The following KDM3B variants were observed in gnomAD, a reference collection of about 807,000 sequenced individuals.
KDM3B encodes lysine-specific demethylase 3B.
KDM3B carries 10 observed loss-of-function variants against 170.0 expected under a neutral mutation model. The observed-to-expected ratio is 0.06, with a 90% CI of 0.04 to 0.10. KDM3B has a LOEUF of 0.10. Ranked by LOEUF, KDM3B falls within the 10% of genes least tolerant of loss-of-function variation. The pLI is 1.00. For missense variants in KDM3B, 1,394 were observed against 2,195.2 expected (o/e 0.64, Z 7.29); for synonymous variants, 831 against 834.8 (o/e 1.00, Z 0.08).
intron 23 of KDM3B, 79 bp from the exon 24 acceptor site, chr5:138,435,541 C>A: frequency 8.8e-7 from 1 of 1,138,474 alleles, no homozygotes; most frequent in South Asian, 1.3e-5. Context: ...CCCCACTAAA[C>A]CAGTAGGCTT....
chr5:138,381,417 G>A, intron 5 of KDM3B, 99 bp from the exon 6 acceptor site: 1 of 747,952 alleles, frequency 1.3e-6, no homozygotes, highest in Admixed American at 2.1e-5. Context: ...TCTAGTAGGT[G>A]AGTTGAATCA....
intron 13 of KDM3B, 88 bp downstream of exon 13, chr5:138,417,698 CTACTGTAGGA>C: frequency 7.4e-7 from 1 of 1,359,550 alleles, no homozygotes; most frequent in East Asian, 2.3e-5. Context: ...TTATGCCAGG[CTACTGTAGGA>C]TTCCTGAGGA....
chr5:138,400,783 C>T (rs925818295), intron 11 of KDM3B, among the ~76,000 whole-genome samples: 12 of 151,930 alleles, frequency 7.9e-5, no homozygotes, highest in Admixed American at 7.9e-4. Context: ...GGTTGTACAG[C>T]CATTATCTAA....
chr5:138,380,955 A>C (rs1580895347), intron 5 of KDM3B, among the ~76,000 whole-genome samples: 1 of 149,936 alleles, frequency 6.7e-6, no homozygotes, highest in Non-Finnish European at 1.5e-5. Context: ...GCTCACTGCA[A>C]CCTCCGCCTC....
Position 138,396,712 on chromosome 5 carries a change from T to C in KDM3B, c.2832-1466T>C, listed in dbSNP as rs548898486. Among the ~76,000 whole-genome samples the C allele has an allele frequency of 7.2e-4, 109 of 152,144 alleles. 1 individual carries two copies. The highest frequency in any genetic ancestry group is 2.9e-4 in the Non-Finnish European group (20 of 67,982). ...TGGTGGGAGCTTGTGGAGGTTGTTT[T>C]CTGGCTCCTCTTTTCTCAGTGGAAT... On this transcript the variant is annotated intron_variant, in intron 9 of 23. Transcript: ENST00000314358.
At chr5:138,389,548 C>A (rs922622401) in intron 7 of KDM3B, among the ~76,000 whole-genome samples, 28 of 152,070 alleles carry the variant, frequency 1.8e-4, no homozygotes, top group Admixed American at 6.6e-4. Flanking sequence ...TGAAGACTAT[C>A]TAGATCCAGA....
chr5:138,419,766 CA>C (rs1214288719), intron 14 of KDM3B, among the ~76,000 whole-genome samples: 2 of 131,996 alleles, frequency 1.5e-5, no homozygotes, highest in African/African-American at 5.5e-5. Flanking sequence ...CACACACACA[CA>C]TATATATGAG....
At chr5:138,422,364 C>T (rs1219816089) in intron 15 of KDM3B, among the ~76,000 whole-genome samples, 2 of 152,192 alleles carry the variant, frequency 1.3e-5, no homozygotes, top group East Asian at 3.8e-4. Context: ...AGGCTGGGCA[C>T]AGTGGCTCAC....
At chr5:138,422,173 A>G (rs1763288673) in intron 15 of KDM3B, among the ~76,000 whole-genome samples, 1 of 152,052 alleles carries the variant, frequency 6.6e-6, no homozygotes, top group African/African-American at 2.4e-5. Context: ...TGTTTTTTTC[A>G]CAGCACTCAT....
At chr5:138,358,034 G>A (rs1306908058) in intron 1 of KDM3B, among the ~76,000 whole-genome samples, 2 of 146,950 alleles carry the variant, frequency 1.4e-5, no homozygotes, top group Non-Finnish European at 3.0e-5. Context: ...TTTCACTCTT[G>A]TCGCCCAGGC....
At chr5:138,401,829 G>A (rs1288150662) in intron 11 of KDM3B, among the ~76,000 whole-genome samples, 1 of 152,084 alleles carries the variant, frequency 6.6e-6, no homozygotes, top group African/African-American at 2.4e-5. Context: ...CTGTGACGTA[G>A]TATCTGATTG....
chr5:138,385,180 C>G (rs1185492139), intron 6 of KDM3B, among the ~76,000 whole-genome samples: 2 of 151,986 alleles, frequency 1.3e-5, no homozygotes, highest in African/African-American at 4.8e-5. Context: ...CACCACCATG[C>G]CTGGCTGATT....
chr5:138,398,500 T>G lies in KDM3B; in HGVS notation c.3046+108T>G, dbSNP rs148463825. The G allele has an allele frequency of 6.3e-4, 572 of 908,198 alleles. 5 individuals carry two copies. The African/African-American group carries it at 8.5e-3, about 13-fold the overall frequency. 56.3% of individuals were successfully genotyped at this position (908,198 alleles called of 1,614,324 possible). ...AGTGGCAGATGGCATTTTCTGTGAA[T>G]GAATTAAGACCGATAAGACTTCTCT... On this transcript the variant is annotated intron_variant, in intron 10 of 23. Transcript: ENST00000314358.
At chr5:138,393,662 A>G (rs1762486014) in intron 9 of KDM3B, among the ~76,000 whole-genome samples, 1 of 152,222 alleles carries the variant, frequency 6.6e-6, no homozygotes, top group Non-Finnish European at 1.5e-5. Context: ...TGAAACCACT[A>G]TTATAAGCAG....
In KDM3B at chr5:138,392,061, C is replaced by T. The variant is rs1291356426; in HGVS notation, c.2429C>T (p.Ser810Leu). The T allele has an allele frequency of 1.2e-6, 2 of 1,613,910 alleles. No homozygotes were observed. The highest frequency in any genetic ancestry group is 2.2e-5 in the South Asian group (2 of 91,080). Residue 810 changes from serine (S) to leucine (L), a missense_variant, in exon 8 of 24, where the codon TCG (serine) becomes TTG (leucine). By Grantham distance (145) the Ser-to-Leu change is moderately radical (BLOSUM62 -2). This residue lies in a region of KDM3B where 84 missense variants were observed against 135.8 expected (regional missense o/e 0.62). Transcript: ENST00000314358. ...CGAAGCTTGGCTTGCAGACAAGACTCGGACTCCAGCACCAACAGTGACCTG... is the reference window on the plus strand; with the variant it reads ...CGAAGCTTGGCTTGCAGACAAGACTTGGACTCCAGCACCAACAGTGACCTG... ...DERSLACRQDSDSSTNSDLSD... is the reference protein window; with the variant it reads ...DERSLACRQDLDSSTNSDLSD...
intron 15 of KDM3B, among the ~76,000 whole-genome samples, chr5:138,423,689 G>A (rs1251208182): frequency 6.6e-6 from 1 of 152,116 alleles, no homozygotes; most frequent in African/African-American, 2.4e-5. Context: ...GGGCATGCTG[G>A]TTAGGAAAAA....
chr5:138,367,280 G>T (rs1370391816), intron 1 of KDM3B, among the ~76,000 whole-genome samples: 1 of 152,112 alleles, frequency 6.6e-6, no homozygotes, highest in Non-Finnish European at 1.5e-5. Context: ...TCTTGGCCCT[G>T]TCAAGTGCTT....
intron 9 of KDM3B, chr5:138,397,795 A>T (rs1485921188): frequency 6.4e-6 from 1 of 155,152 alleles, no homozygotes; most frequent in Non-Finnish European, 1.4e-5. Flanking sequence ...CAGGAGGTGG[A>T]GGTTGCAGTG....
At chr5:138,355,916 A>C (rs1485970769) in intron 1 of KDM3B, among the ~76,000 whole-genome samples, 1 of 152,250 alleles carries the variant, frequency 6.6e-6, no homozygotes, top group African/African-American at 2.4e-5. Flanking sequence ...CTAGTACAAA[A>C]AACATGAAAA....
Sources: allele counts gnomAD v4.1 joint callset (sites outside exome capture counted in the v4.1 genomes callset), GRCh38; gene constraint gnomAD v4.1.1; regional missense constraint gnomAD v4.1.1; transcripts MANE v1.5; gene names NCBI Gene and HGNC (gene_info 2026-07-23, HGNC 2026-07-21).